The following MGAT4C variants were observed in gnomAD, a reference collection of about 807,000 sequenced individuals.
MGAT4C encodes MGAT4 family member C.
In MGAT4C, 19 loss-of-function variants were observed where a neutral mutation model predicts 40.1. The ratio of observed to expected loss-of-function variants is 0.47; its 90% CI spans 0.33 to 0.70. The LOEUF (loss-of-function observed/expected upper bound fraction) is 0.70. Among genes scored for constraint, MGAT4C ranks in the 30% least tolerant of loss-of-function variants. The probability of loss-of-function intolerance (pLI) is 0.02; values close to 1 mark genes in which losing one functional copy is unlikely to be tolerated. For synonymous variants in MGAT4C, 181 were observed against 187.1 expected, an observed-to-expected ratio of 0.97 and a Z score of 0.27; for missense variants, 491 against 563.2, an observed-to-expected ratio of 0.87 and a Z score of 1.30.
chr12:86,716,196 C>T (rs754097551), intron 2 of MGAT4C, among the ~76,000 whole-genome samples: 7 of 152,068 alleles, frequency 4.6e-5, no homozygotes, highest in Non-Finnish European at 1.0e-4. Context: ...ACAGGAGGTA[C>T]ATATAAACAT....
chr12:86,185,273 TC>T (rs1888630305), intron 1 of MGAT4C, among the ~76,000 whole-genome samples: 1 of 152,172 alleles, frequency 6.6e-6, no homozygotes, highest in Admixed American at 6.6e-5. Context: ...ATATTTACTA[TC>T]TTCATTTTGG....
chr12:86,136,994 T>C (rs1407491763), intron 1 of MGAT4C, among the ~76,000 whole-genome samples: 1 of 152,138 alleles, frequency 6.6e-6, no homozygotes, highest in Non-Finnish European at 1.5e-5. Flanking sequence ...TCACTCATAT[T>C]TTTGACTATA....
chr12:86,533,313 A>G (rs1959014325), intron 2 of MGAT4C, among the ~76,000 whole-genome samples: 1 of 152,026 alleles, frequency 6.6e-6, no homozygotes, highest in African/African-American at 2.4e-5. Context: ...AAACGTTGTC[A>G]CCCATTTTTC....
intron 1 of MGAT4C, among the ~76,000 whole-genome samples, chr12:86,239,727 T>G (rs1951697751): frequency 6.6e-6 from 1 of 151,996 alleles, no homozygotes; most frequent in Non-Finnish European, 1.5e-5. Flanking sequence ...TATAATTCTT[T>G]TTCTTTTACT....
intron 1 of MGAT4C, among the ~76,000 whole-genome samples, chr12:86,748,262 G>T (rs192492016): frequency 1.9e-4 from 29 of 151,582 alleles, no homozygotes; most frequent in African/African-American, 6.8e-4. Context: ...TATAATATTG[G>T]CAATGAGAAC....
intron 1 of MGAT4C, among the ~76,000 whole-genome samples, chr12:86,792,012 C>A (rs767396385): frequency 6.6e-6 from 1 of 152,146 alleles, no homozygotes; most frequent in African/African-American, 2.4e-5. Context: ...TCTTTATTAA[C>A]AATAACATTT....
chr12:86,077,837 C>T (rs1057240698), intron 1 of MGAT4C, among the ~76,000 whole-genome samples: 2 of 152,176 alleles, frequency 1.3e-5, no homozygotes, highest in Admixed American at 6.5e-5. Flanking sequence ...GAGTAGTAGA[C>T]TGATTTCTTC....
chr12:86,684,141 C>A (rs773255529), intron 2 of MGAT4C, among the ~76,000 whole-genome samples: 3 of 152,020 alleles, frequency 2.0e-5, no homozygotes, highest in Non-Finnish European at 4.4e-5. Flanking sequence ...TTTGGGAGGC[C>A]GAGGCGGGCA....
chr12:85,976,017 A>G lies in MGAT4C; in HGVS notation c.*3272T>C, dbSNP rs938156314. Reference sequence around the variant, plus strand: ...AAATTGGCAAATACTGACATGAAATATGCCAATATTTGAGCATCTAAAAAT... The same window carrying G: ...AAATTGGCAAATACTGACATGAAATGTGCCAATATTTGAGCATCTAAAAAT... On this transcript the variant is annotated 3_prime_UTR_variant, in exon 5 of 5. Transcript: ENST00000611864. 43 of 151,238 alleles carry G rather than the reference A, an allele frequency of 2.8e-4. No individual in the cohort carries two copies. Among genetic ancestry groups the G allele is most frequent in the African/African-American group, 1.0e-3 (43 of 41,486 alleles). The allele number at this position is 151,238 out of a possible 1,614,324, so 9.4% of individuals were successfully genotyped here. A position where few individuals can be genotyped will look rare whatever the true frequency, so the allele number is the denominator to read the frequency against.
rs566655855 is a variant in MGAT4C at position 86,361,865 on chromosome 12, G to A, written c.-119-27738C>T. On this transcript the variant is annotated intron_variant, in intron 3 of 7. Coordinates refer to the MGAT4C transcript ENST00000548651. ...GTGCTGGAGAAAATGTGGAGAAACA[G>A]GAATTCCTTTACCCTGTTGGTGGGA... Among the ~76,000 whole-genome samples the A allele has an allele frequency of 2.4e-3, 373 of 152,318 alleles. 2 individuals carry two copies. Among genetic ancestry groups the A allele is most frequent in the Non-Finnish European group, 4.3e-3 (295 of 68,038 alleles).
intron 2 of MGAT4C, among the ~76,000 whole-genome samples, chr12:86,605,920 G>T (rs1962026780): frequency 6.6e-6 from 1 of 152,090 alleles, no homozygotes; most frequent in Non-Finnish European, 1.5e-5. Context: ...CCTGACACTG[G>T]GTAATTTGTA....
chr12:86,611,691 G>T (rs980448413), intron 2 of MGAT4C, among the ~76,000 whole-genome samples: 1 of 151,932 alleles, frequency 6.6e-6, no homozygotes, highest in Non-Finnish European at 1.5e-5. Context: ...ATAGAAAATT[G>T]CTTTGTTTTT....
intron 2 of MGAT4C, among the ~76,000 whole-genome samples, chr12:86,493,396 C>A (rs1442589701): frequency 6.6e-6 from 1 of 151,938 alleles, no homozygotes. Flanking sequence ...TGGAACCAAC[C>A]CAAATGTCCA....
intron 2 of MGAT4C, among the ~76,000 whole-genome samples, chr12:86,581,968 C>T (rs890456116): frequency 1.3e-5 from 2 of 151,324 alleles, no homozygotes; most frequent in East Asian, 1.9e-4. Context: ...AGATACAGTC[C>T]GTGTCTTATA....
Position 85,959,023 on chromosome 12 carries a change from T to TATACAATACAATACAATACAATACA in MGAT4C, c.*20241_*20265dup, listed in dbSNP as rs71309508. Reference sequence around the variant, plus strand: ...ATGTTATTAAATCTCTGGTAACCACTATACAATACAATACAATACAATACA... The same window carrying TATACAATACAATACAATACAATACA: ...ATGTTATTAAATCTCTGGTAACCACTATACAATACAATACAATACAATACAATACAATACAATACAATACAATACA... On this transcript the variant is annotated 3_prime_UTR_variant, in exon 5 of 5. Transcript: ENST00000611864. 66 of 137,608 alleles carry TATACAATACAATACAATACAATACA rather than the reference T, an allele frequency of 4.8e-4. No individual in the cohort carries two copies. The highest frequency in any genetic ancestry group is 6.8e-4 in the Non-Finnish European group (43 of 62,840). The allele number at this position is 137,608 out of a possible 1,614,324, so 8.5% of individuals were successfully genotyped here. A position where few individuals can be genotyped will look rare whatever the true frequency, so the allele number is the denominator to read the frequency against.
At chr12:86,181,496 T>A (rs373534731) in intron 1 of MGAT4C, among the ~76,000 whole-genome samples, 1 of 152,160 alleles carries the variant, frequency 6.6e-6, no homozygotes, top group African/African-American at 2.4e-5. Context: ...AAACTATTCA[T>A]TATAGTAATC....
chr12:86,629,921 G>C lies in MGAT4C; in HGVS notation c.-229+97288C>G, dbSNP rs1024184184. ...TTAAGATCAGAGCAGAACTGAAGCA[G>C]ACAGAGGCACAAAAAACCATTCAAA... On this transcript the variant is annotated intron_variant, in intron 2 of 7. Transcript: ENST00000548651. Among the ~76,000 whole-genome samples, 9 of 152,196 alleles carry C rather than the reference G, an allele frequency of 5.9e-5. No homozygotes were observed. In the East Asian group the frequency reaches 1.7e-3, roughly 29 times the overall value.
chr12:86,607,326 A>G (rs964866482), intron 2 of MGAT4C, among the ~76,000 whole-genome samples: 2 of 152,074 alleles, frequency 1.3e-5, no homozygotes, highest in African/African-American at 4.8e-5. Context: ...TTGTAAAAAT[A>G]AGTATAAAAA....
chr12:86,717,152 T>C (rs1950657165), intron 2 of MGAT4C, among the ~76,000 whole-genome samples: 1 of 150,106 alleles, frequency 6.7e-6, no homozygotes, highest in South Asian at 2.1e-4. Context: ...AAAACAGACA[T>C]CAAGAAGAAA....
Sources: allele counts gnomAD v4.1 joint callset (sites outside exome capture counted in the v4.1 genomes callset), GRCh38; gene constraint gnomAD v4.1.1; transcripts MANE v1.5; gene names NCBI Gene and HGNC (gene_info 2026-07-23, HGNC 2026-07-21).